Variants in CDH18 observed in about 807,000 individuals in gnomAD.
CDH18 encodes cadherin-18.
A neutral mutation model predicts 67.9 loss-of-function variants in CDH18; 31 were observed. The observed-to-expected ratio is 0.46, with a 90% CI of 0.34 to 0.62. CDH18 has a LOEUF of 0.62. Ranked by LOEUF, CDH18 falls within the 20% of genes least tolerant of loss-of-function variation. The pLI is 0.01. For missense variants in CDH18, 890 were observed against 975.5 expected, an observed-to-expected ratio of 0.91 and a Z score of 1.17; for synonymous variants, 362 against 347.2, an observed-to-expected ratio of 1.04 and a Z score of -0.48.
chr5:19,629,196 T>A (rs1487246427), intron 5 of CDH18, among the ~76,000 whole-genome samples: 2 of 152,154 alleles, frequency 1.3e-5, no homozygotes, highest in Non-Finnish European at 2.9e-5. Flanking sequence ...AGGGAGTGAT[T>A]CTAATGACAC....
intron 1 of CDH18, among the ~76,000 whole-genome samples, chr5:20,338,684 T>G (rs1739992560): frequency 6.6e-6 from 1 of 152,206 alleles, no homozygotes; most frequent in Admixed American, 6.5e-5. Context: ...GGAATATGTT[T>G]GGAGGTTAAT....
At chr5:19,662,904 T>C (rs1316365936) in intron 5 of CDH18, among the ~76,000 whole-genome samples, 2 of 151,964 alleles carry the variant, frequency 1.3e-5, no homozygotes, top group African/African-American at 4.8e-5. Context: ...GCTGTTATAA[T>C]TTAAGAAACA....
chr5:19,559,128 C>A (rs1031814339), intron 8 of CDH18, among the ~76,000 whole-genome samples: 6 of 152,112 alleles, frequency 3.9e-5, no homozygotes, highest in Non-Finnish European at 5.9e-5. Flanking sequence ...TTTTATTTAT[C>A]TTTTTAAAGA....
At chr5:20,459,562 T>C (rs1189735627) in intron 1 of CDH18, among the ~76,000 whole-genome samples, 3 of 152,112 alleles carry the variant, frequency 2.0e-5, no homozygotes, top group African/African-American at 7.2e-5. Flanking sequence ...TTCCCTTCAT[T>C]TCACAAGGGG....
intron 1 of CDH18, among the ~76,000 whole-genome samples, chr5:19,985,048 A>G (rs1272469639): frequency 1.3e-5 from 2 of 152,174 alleles, no homozygotes; most frequent in African/African-American, 4.8e-5. Flanking sequence ...TTTATATTAA[A>G]GGATCATCTG....
At chr5:19,766,481 C>G (rs187883836) in intron 3 of CDH18, among the ~76,000 whole-genome samples, 40 of 152,254 alleles carry the variant, frequency 2.6e-4, no homozygotes, top group African/African-American at 9.6e-4. Flanking sequence ...TCGTACTTAT[C>G]CTGTAAGTGG....
At chr5:20,556,329 T>C (rs780825174) in intron 1 of CDH18, among the ~76,000 whole-genome samples, 1 of 152,170 alleles carries the variant, frequency 6.6e-6, no homozygotes, top group Non-Finnish European at 1.5e-5. Flanking sequence ...AGGAGACGAA[T>C]GTGGTAAAGG....
At position 19,766,218 on chromosome 5, in the gene CDH18, C is replaced by T. The variant is rs139761393; in HGVS notation, c.229-18982G>A. 1.3e-3 allele frequency among the ~76,000 whole-genome samples: 200 copies of T among 152,252 alleles called. 1 individual carries two copies. The highest frequency in any genetic ancestry group is 4.5e-3 in the African/African-American group (187 of 41,556). On this transcript the variant is annotated intron_variant, in intron 3 of 12. Coordinates refer to ENST00000382275, the MANE Select transcript of CDH18 (RefSeq NM_004934.5). The stretch of plus-strand genomic sequence containing the variant: ...TCGTAAAGTCCAAAGTATTCACTTA[C>T]GAGTCTGAACTCATTCTGTATCTTC...
intron 5 of CDH18, among the ~76,000 whole-genome samples, chr5:19,671,589 T>C (rs1352365298): frequency 6.6e-6 from 1 of 152,114 alleles, no homozygotes; most frequent in African/African-American, 2.4e-5. Flanking sequence ...TAGTATTAGG[T>C]TACATCATTT....
intron 2 of CDH18, among the ~76,000 whole-genome samples, chr5:20,252,219 C>T (rs1046717827): frequency 7.2e-5 from 11 of 152,016 alleles, no homozygotes; most frequent in South Asian, 4.2e-4. Flanking sequence ...AGCATGGTGG[C>T]GCGCGCCTTT....
At chr5:19,972,747 TATAAC>T (rs1324365127) in intron 2 of CDH18, among the ~76,000 whole-genome samples, 6 of 152,092 alleles carry the variant, frequency 3.9e-5, no homozygotes, top group Admixed American at 1.3e-4. Context: ...ATACATAACT[TATAAC>T]ATAACAATTC....
At chr5:19,819,484 G>A (rs1275772097) in intron 3 of CDH18, among the ~76,000 whole-genome samples, 1 of 152,126 alleles carries the variant, frequency 6.6e-6, no homozygotes, top group Non-Finnish European at 1.5e-5. Flanking sequence ...TAGGGACAAA[G>A]CTAGGAAGCC....
chr5:19,554,829 C>T (rs1738100033), intron 8 of CDH18, among the ~76,000 whole-genome samples: 2 of 152,146 alleles, frequency 1.3e-5, no homozygotes, highest in South Asian at 4.1e-4. Flanking sequence ...AAAGTGACCA[C>T]ATTCTTGTCC....
At chr5:19,584,311 C>T (rs1323164494) in intron 7 of CDH18, among the ~76,000 whole-genome samples, 1 of 152,152 alleles carries the variant, frequency 6.6e-6, no homozygotes, top group African/African-American at 2.4e-5. Context: ...CAGACAGGAA[C>T]GTTGCAGACA....
chr5:20,031,569 T>C (rs927388423), intron 2 of CDH18, among the ~76,000 whole-genome samples: 3 of 151,962 alleles, frequency 2.0e-5, no homozygotes, highest in South Asian at 2.1e-4. Flanking sequence ...ATTTCTTCAA[T>C]TGGGAAGTCA....
chr5:20,115,010 T>C (rs1048511851), intron 2 of CDH18, among the ~76,000 whole-genome samples: 1 of 152,042 alleles, frequency 6.6e-6, no homozygotes, highest in African/African-American at 2.4e-5. Context: ...AGAGTTTTAT[T>C]TGGTTCATGA....
At chr5:19,993,540 T>C (rs1346958561) in intron 2 of CDH18, among the ~76,000 whole-genome samples, 1 of 152,094 alleles carries the variant, frequency 6.6e-6, no homozygotes, top group Non-Finnish European at 1.5e-5. Flanking sequence ...GCTGATACCA[T>C]CTCTAACTCC....
At chr5:20,246,430 T>A (rs915368579) in intron 2 of CDH18, among the ~76,000 whole-genome samples, 6 of 152,226 alleles carry the variant, frequency 3.9e-5, no homozygotes, top group African/African-American at 1.4e-4. Context: ...GAAACTCTTT[T>A]AAATAGCAGA....
intron 6 of CDH18, among the ~76,000 whole-genome samples, chr5:19,605,697 A>G (rs551515283): frequency 3.3e-5 from 5 of 152,202 alleles, no homozygotes; most frequent in African/African-American, 1.2e-4. Flanking sequence ...CTCAGGATGG[A>G]GTATGATTCT....
Sources: allele counts gnomAD v4.1 joint callset (sites outside exome capture counted in the v4.1 genomes callset), GRCh38; gene constraint gnomAD v4.1.1; transcripts MANE v1.5; gene names NCBI Gene and HGNC (gene_info 2026-07-23, HGNC 2026-07-21).